Variants in CFAP206 observed in about 807,000 individuals in gnomAD.
CFAP206 encodes cilia- and flagella-associated protein 206.
A neutral mutation model predicts 65.4 loss-of-function variants in CFAP206; 53 were observed. The observed-to-expected ratio is 0.81, with a 90% CI of 0.65 to 1.02. The LOEUF is 1.02. Among genes scored for constraint, CFAP206 ranks in the 50% least tolerant of loss-of-function variants. The pLI is 0.00. For missense variants in CFAP206, 663 were observed against 753.2 expected, an observed-to-expected ratio of 0.88 and a Z score of 1.40; for synonymous variants, 250 against 254.4, an observed-to-expected ratio of 0.98 and a Z score of 0.17.
intron 11 of CFAP206, among the ~76,000 whole-genome samples, chr6:87,450,044 C>T (rs1768512130): frequency 6.6e-6 from 1 of 152,154 alleles, no homozygotes; most frequent in South Asian, 2.1e-4. Context: ...ATGTGGATAT[C>T]CAGTTTTCCA....
chr6:87,422,040 A>G (rs1376097787), intron 7 of CFAP206, among the ~76,000 whole-genome samples: 1 of 152,162 alleles, frequency 6.6e-6, no homozygotes, highest in Admixed American at 6.6e-5. Context: ...AGGTAGGGGG[A>G]AGGGGAAGAA....
chr6:87,431,061 A>G lies in CFAP206; in HGVS notation c.1188A>G (p.Arg396=), dbSNP rs753529731. Residue 396 remains arginine, a synonymous_variant, in exon 10 of 13, where the codon AGA becomes AGG. Transcript: ENST00000369562. The stretch of plus-strand genomic sequence containing the variant: ...ATAGAGTAAATGTGGCAGATTTCAG[A>G]AAACTAGAATGGCTTTTCCCAGAAA... The part of the protein sequence containing the change: ...MEDRVNVADF[R]KLEWLFPETT... 1 of 1,614,036 alleles carries G rather than the reference A, an allele frequency of 6.2e-7. No individual in the cohort carries two copies. The highest frequency in any genetic ancestry group is 8.5e-7 in the Non-Finnish European group (1 of 1,179,926).
In CFAP206 at chr6:87,415,767, G is replaced by A. The variant is rs1049272220; in HGVS notation, c.365G>A (p.Cys122Tyr). 3.1e-6 allele frequency: 5 copies of A among 1,613,538 alleles called. No individual in the cohort carries two copies. The African/African-American group carries it at 6.7e-5, about 22-fold the overall frequency. The stretch of plus-strand genomic sequence containing the variant: ...CGAGAAATTACAGATAACAGAGCAT[G>A]TGCTAAAGAAGAATTGGAAAGCCTC... ...VTREITDNRA[C>Y]AKEELESLYR... Residue 122 changes from cysteine (C) to tyrosine (Y), a missense_variant, in exon 5 of 13, where the codon TGT (cysteine) becomes TAT (tyrosine). Coordinates refer to ENST00000369562, the MANE Select transcript of CFAP206 (RefSeq NM_001031743.3).
chr6:87,443,307 T>C (rs1768386586), intron 11 of CFAP206, among the ~76,000 whole-genome samples: 1 of 152,166 alleles, frequency 6.6e-6, no homozygotes. Flanking sequence ...ATGCTGTCTT[T>C]TAAACTCCAG....
rs1768741939 is a variant in CFAP206, at chr6:87,461,175, A to T, written c.1638+10A>T. On this transcript the variant is annotated intron_variant, in intron 12 of 12. Transcript: ENST00000369562. ...AAAAGCTATAAAATTGGTTTGTAACAATACTTTCTAGAATTATTTATATGT... is the reference window on the plus strand; with the variant it reads ...AAAAGCTATAAAATTGGTTTGTAACTATACTTTCTAGAATTATTTATATGT... 2.0e-6 allele frequency: 3 copies of T among 1,520,362 alleles called. No individual in the cohort carries two copies. Among genetic ancestry groups the T allele is most frequent in the Non-Finnish European group, 2.6e-6 (3 of 1,136,794 alleles). 94.2% of individuals were successfully genotyped at this position (1,520,362 alleles called of 1,614,324 possible). A position where few individuals can be genotyped will look rare whatever the true frequency, so the allele number is the denominator to read the frequency against.
intron 11 of CFAP206, among the ~76,000 whole-genome samples, chr6:87,440,617 C>T (rs1768346657): frequency 6.6e-6 from 1 of 152,106 alleles, no homozygotes; most frequent in Non-Finnish European, 1.5e-5. Flanking sequence ...TCTTAAGACT[C>T]AACTCATAGA....
At chr6:87,438,229 G>C (rs987264265) in intron 11 of CFAP206, among the ~76,000 whole-genome samples, 1 of 152,100 alleles carries the variant, frequency 6.6e-6, no homozygotes, top group African/African-American at 2.4e-5. Flanking sequence ...TTGGGAGGCT[G>C]AGGCGAGTAG....
At chr6:87,459,634 G>C (rs968990073) in intron 11 of CFAP206, among the ~76,000 whole-genome samples, 1 of 152,174 alleles carries the variant, frequency 6.6e-6, no homozygotes, top group Admixed American at 6.5e-5. Context: ...AGGCAATGCT[G>C]ATTTTTCCAC....
rs1373520194 is a variant in CFAP206, at chr6:87,415,874, G to C, written c.472G>C (p.Ala158Pro). ...TDIKTVREVT[A>P]ALQSVFPQAE... ...CATCAAGACTGTCAGAGAGGTAACA[G>C]GTAAAAAGTATAACCAATTTCCATT... Residue 158 changes from alanine (A) to proline (P), a missense_variant and splice_region_variant, in exon 5 of 13, where the codon GCT (alanine) becomes CCT (proline). By Grantham distance (27) the Ala-to-Pro change is conservative (BLOSUM62 -1). Transcript: ENST00000369562. 3.1e-5 allele frequency: 47 copies of C among 1,510,756 alleles called. No homozygotes were observed. The highest frequency in any genetic ancestry group is 4.2e-5 in the African/African-American group (3 of 71,144). 93.6% of individuals were successfully genotyped at this position (1,510,756 alleles called of 1,614,324 possible). A position where few individuals can be genotyped will look rare whatever the true frequency, so the allele number is the denominator to read the frequency against.
intron 11 of CFAP206, chr6:87,444,265 G>C (rs13214153): frequency 0.57 from 109,741 of 191,242 alleles, 31,773 homozygotes; most frequent in Admixed American, 0.68. Context: ...GAGGGGTGGG[G>C]ATTATTCTCA....
In CFAP206 at chr6:87,464,362, TTG is replaced by T; in HGVS notation, c.*117_*118del. 1 of 683,498 alleles carries T rather than the reference TTG, an allele frequency of 1.5e-6. No homozygotes were observed. The highest frequency in any genetic ancestry group is 2.3e-6 in the Non-Finnish European group (1 of 444,100). 42.3% of individuals were successfully genotyped at this position (683,498 alleles called of 1,614,324 possible). A position where few individuals can be genotyped will look rare whatever the true frequency, so the allele number is the denominator to read the frequency against. Reference sequence around the variant, plus strand: ...TTTGTAGGGGTGGCACATTCATTGGTTGTGTGACTGTTTATTGGGTTCCCATA... The same window carrying T: ...TTTGTAGGGGTGGCACATTCATTGGTTGTGACTGTTTATTGGGTTCCCATA... On this transcript the variant is annotated 3_prime_UTR_variant, in exon 13 of 13. Transcript: ENST00000369562.
At chr6:87,417,324 GA>G (rs1767851086) in intron 6 of CFAP206, among the ~76,000 whole-genome samples, 1 of 151,976 alleles carries the variant, frequency 6.6e-6, no homozygotes, top group Non-Finnish European at 1.5e-5. Context: ...AATATTTAAT[GA>G]AGTACCTACC....
rs772499613 is a variant in CFAP206, at chr6:87,409,857, C to G, written c.18C>G (p.Ala6=). 1 of 1,610,470 alleles carries G rather than the reference C, an allele frequency of 6.2e-7. No individual in the cohort carries two copies. The highest frequency in any genetic ancestry group is 1.3e-5 in the African/African-American group (1 of 74,562). The stretch of plus-strand genomic sequence containing the variant: ...TAGCCAGAATGCCTCCAACTCAGGC[C>G]GAAAGTGTTATAAGGAGTATTATAC... The part of the protein sequence containing the change: MPPTQ[A]ESVIRSIIRE... Residue 6 remains alanine, a synonymous_variant, in exon 2 of 13, where the codon GCC becomes GCG. Transcript: ENST00000369562.
At chr6:87,418,528 C>A in intron 7 of CFAP206, 112 bp downstream of exon 7, 2 of 822,738 alleles carry the variant, frequency 2.4e-6, no homozygotes, top group Middle Eastern at 3.7e-4. Flanking sequence ...AGTAACTGCT[C>A]GGTTTATATT....
At chr6:87,413,471 G>A (rs1194720453) in intron 3 of CFAP206, among the ~76,000 whole-genome samples, 1 of 152,156 alleles carries the variant, frequency 6.6e-6, no homozygotes, top group Non-Finnish European at 1.5e-5. Flanking sequence ...ACTTGGGAGG[G>A]TGAGAGGGGA....
intron 1 of CFAP206, 68 bp downstream of exon 1, chr6:87,408,157 G>A: frequency 2.4e-6 from 2 of 837,212 alleles, no homozygotes; most frequent in Non-Finnish European, 2.9e-6. Context: ...AGCTTGGGGC[G>A]GCTGGCGGAG....
intron 11 of CFAP206, among the ~76,000 whole-genome samples, chr6:87,438,390 G>C (rs1484284488): frequency 6.8e-6 from 1 of 146,116 alleles, no homozygotes; most frequent in African/African-American, 2.5e-5. Context: ...GAACCAGGGA[G>C]TCAGAGGTTG....
chr6:87,446,548 G>A (rs894447197), intron 11 of CFAP206, among the ~76,000 whole-genome samples: 4 of 152,076 alleles, frequency 2.6e-5, no homozygotes, highest in Admixed American at 6.5e-5. Context: ...CTGTTCCATC[G>A]GTCTATGTGT....
chr6:87,460,974 T>G (rs935066477), intron 11 of CFAP206, 48 bp from the exon 12 acceptor site: 40 of 1,491,476 alleles, frequency 2.7e-5, no homozygotes, highest in Non-Finnish European at 3.2e-5. Flanking sequence ...TATCAGTAAA[T>G]AATGTTTATT....
Sources: allele counts gnomAD v4.1 joint callset (sites outside exome capture counted in the v4.1 genomes callset), GRCh38; gene constraint gnomAD v4.1.1; transcripts MANE v1.5; gene names NCBI Gene and HGNC (gene_info 2026-07-23, HGNC 2026-07-21).